The following PGGT1B variants were observed in gnomAD, a reference collection of about 807,000 sequenced individuals.
The protein encoded by PGGT1B is geranylgeranyl transferase type-1 subunit beta.
In PGGT1B, 30 loss-of-function variants were observed where a neutral mutation model predicts 46.1. The observed-to-expected ratio is 0.65, with a 90% CI of 0.49 to 0.88. The LOEUF (loss-of-function observed/expected upper bound fraction) is 0.88, where lower values mean the gene tolerates loss of function less well. Ranked by LOEUF, PGGT1B falls within the 40% of genes least tolerant of loss-of-function variation. PGGT1B has a pLI of 0.00. For missense variants in PGGT1B, 376 were observed against 455.9 expected (o/e 0.82, Z 1.60); for synonymous variants, 170 against 160.0 (o/e 1.06, Z -0.47).
At chr5:115,219,682 G>C (rs565869984) in intron 7 of PGGT1B, among the ~76,000 whole-genome samples, 1 of 151,882 alleles carries the variant, frequency 6.6e-6, no homozygotes, top group South Asian at 2.1e-4. Context: ...GAAAATATTT[G>C]CAAATCATAT....
chr5:115,236,307 A>T, intron 5 of PGGT1B, 83 bp downstream of exon 5: 1 of 992,680 alleles, frequency 1.0e-6, no homozygotes, highest in Non-Finnish European at 1.5e-6. Flanking sequence ...TTGTTGGCGG[A>T]AGAGATGAGA....
intron 2 of PGGT1B, among the ~76,000 whole-genome samples, chr5:115,248,576 C>T (rs936109118): frequency 1.3e-5 from 2 of 152,178 alleles, no homozygotes. Flanking sequence ...AGTGGTCTCA[C>T]CATACACTTA....
chr5:115,246,562 G>T (rs1006799475), intron 2 of PGGT1B, among the ~76,000 whole-genome samples: 2 of 152,008 alleles, frequency 1.3e-5, no homozygotes, highest in South Asian at 2.1e-4. Context: ...TTCTTTCCAG[G>T]TTATCAAACA....
intron 1 of PGGT1B, among the ~76,000 whole-genome samples, chr5:115,256,059 A>C (rs1748297745): frequency 1.3e-5 from 2 of 152,186 alleles, no homozygotes; most frequent in Non-Finnish European, 2.9e-5. Context: ...CTTCCCAGGT[A>C]ATTTTAATGT....
At chr5:115,262,301 T>A (rs1326413397) in intron 1 of PGGT1B, among the ~76,000 whole-genome samples, 2 of 152,142 alleles carry the variant, frequency 1.3e-5, no homozygotes, top group Non-Finnish European at 2.9e-5. Context: ...TAAAACACCA[T>A]ACAGACACTC....
intron 2 of PGGT1B, among the ~76,000 whole-genome samples, chr5:115,249,597 GA>G (rs1747999343): frequency 6.6e-6 from 1 of 151,106 alleles, no homozygotes; most frequent in Admixed American, 6.6e-5. Flanking sequence ...ATGAGTCAGG[GA>G]GGAGCAGGTA....
rs1016347681 is a variant in PGGT1B at position 115,208,059 on chromosome 5, A to C, written c.*4343T>G. 2 of 152,050 alleles carry C rather than the reference A, an allele frequency of 1.3e-5. No individual in the cohort carries two copies. The highest frequency in any genetic ancestry group is 4.8e-5 in the African/African-American group (2 of 41,438). The allele number at this position is 152,050 out of a possible 1,614,324, so 9.4% of individuals were successfully genotyped here. A position where few individuals can be genotyped will look rare whatever the true frequency, so the allele number is the denominator to read the frequency against. Reference sequence around the variant, plus strand: ...AGTATTGAACTACCCTTGCATTCTTACAATAAACCCAACTTAGTCATGATT... The same window carrying C: ...AGTATTGAACTACCCTTGCATTCTTCCAATAAACCCAACTTAGTCATGATT... On this transcript the variant is annotated 3_prime_UTR_variant, in exon 9 of 9. Coordinates refer to ENST00000419445, the MANE Select transcript of PGGT1B (RefSeq NM_005023.4).
At chr5:115,220,494 G>A (rs1756555103) in intron 7 of PGGT1B, among the ~76,000 whole-genome samples, 1 of 151,718 alleles carries the variant, frequency 6.6e-6, no homozygotes, top group African/African-American at 2.4e-5. Context: ...GATTTATGTT[G>A]GGTATAATGA....
At chr5:115,227,608 G>A (rs1266585468) in intron 6 of PGGT1B, among the ~76,000 whole-genome samples, 2 of 152,240 alleles carry the variant, frequency 1.3e-5, no homozygotes, top group East Asian at 3.9e-4. Flanking sequence ...TCCCTGTATG[G>A]CCTGACTTGT....
chr5:115,247,400 C>T (rs1747896608), intron 2 of PGGT1B, among the ~76,000 whole-genome samples: 1 of 152,100 alleles, frequency 6.6e-6, no homozygotes, highest in African/African-American at 2.4e-5. Context: ...GATGATTATG[C>T]TTCTTAAATA....
intron 1 of PGGT1B, among the ~76,000 whole-genome samples, chr5:115,255,588 AAGACAG>A (rs770562447): frequency 1.4e-4 from 21 of 152,344 alleles, no homozygotes; most frequent in Non-Finnish European, 2.9e-4. Context: ...GGGCAAAAAG[AAGACAG>A]AGACAAAAGT....
intron 2 of PGGT1B, among the ~76,000 whole-genome samples, chr5:115,249,779 TGACA>T (rs570056072): frequency 1.1e-4 from 16 of 152,338 alleles, no homozygotes; most frequent in Middle Eastern, 3.4e-3. Flanking sequence ...CTAATATATA[TGACA>T]GACAGTTTCA....
At position 115,204,037 on chromosome 5, in the gene PGGT1B, T is replaced by C. The variant is rs966801025; in HGVS notation, c.*8365A>G. The stretch of plus-strand genomic sequence containing the variant: ...TTTTCTTTGCATATCTGAGTATTTA[T>C]TATGTTTTCGATCCAGCTACCACAC... On this transcript the variant is annotated 3_prime_UTR_variant, in exon 9 of 9. Transcript: ENST00000419445. 6.6e-6 allele frequency: 1 copy of C among 152,316 alleles called. No individual in the cohort carries two copies. The highest frequency in any genetic ancestry group is 2.4e-5 in the African/African-American group (1 of 41,570). 9.4% of individuals were successfully genotyped at this position (152,316 alleles called of 1,614,324 possible).
At position 115,253,248 on chromosome 5, in the gene PGGT1B, T is replaced by C. The variant is rs1156789381; in HGVS notation, c.148A>G (p.Ile50Val). The C allele has an allele frequency of 1.1e-5, 17 of 1,572,994 alleles. No homozygotes were observed. Among genetic ancestry groups the C allele is most frequent in the African/African-American group, 1.4e-5 (1 of 72,066 alleles). The change falls in exon 2 of 9, where the codon ATT (isoleucine) becomes GTT (valine). Residue 50 changes from isoleucine (I) to valine (V), a missense_variant. This residue lies in a region of PGGT1B where 154 missense variants were observed against 142.3 expected (regional missense o/e 1.08). Transcript: ENST00000419445. ...YSSLETSRLT[I>V]AFFALSGLDM... is the part of the protein sequence containing the mutation. ...AGCCCGGAGAGTGCAAAAAATGCAA[T>C]TGTCAACCTAAAAGAAAAAAATGTA... is the stretch of plus-strand genomic sequence containing the variant.
Position 115,212,494 on chromosome 5 carries a change from T to A in PGGT1B, c.1042A>T (p.Thr348Ser). ...TCTAGAAGGCGTTCAGAAGTCCGTG[T>A]GCTTACATTCAGAGCAGGATGAACT... ...CKVHPALNVS[T>S]RTSERLLDLH... The change falls in exon 9 of 9, where the codon ACA (threonine) becomes TCA (serine). Residue 348 changes from threonine (T) to serine (S), a missense_variant. Coordinates refer to ENST00000419445, the MANE Select transcript of PGGT1B (RefSeq NM_005023.4). 1 of 1,613,638 alleles carries A rather than the reference T, an allele frequency of 6.2e-7. No homozygotes were observed. Among genetic ancestry groups the A allele is most frequent in the South Asian group, 1.1e-5 (1 of 91,066 alleles).
At chr5:115,258,529 C>A (rs1748420603) in intron 1 of PGGT1B, among the ~76,000 whole-genome samples, 1 of 152,206 alleles carries the variant, frequency 6.6e-6, no homozygotes, top group Non-Finnish European at 1.5e-5. Context: ...AGATTACATT[C>A]CTACCATATC....
chr5:115,260,324 G>A lies in PGGT1B; in HGVS notation c.140+2388C>T, dbSNP rs566867663. On this transcript the variant is annotated intron_variant, in intron 1 of 8. Coordinates refer to ENST00000419445, the MANE Select transcript of PGGT1B (RefSeq NM_005023.4). ...TTCATACCTATTGGTAAAAAGAAAC[G>A]AACAGAGGAACACCTGAATCATTAG... 3.3e-5 allele frequency among the ~76,000 whole-genome samples: 5 copies of A among 152,168 alleles called. No homozygotes were observed. In the East Asian group the frequency reaches 5.8e-4, roughly 18 times the overall value.
At chr5:115,236,622 A>T in intron 4 of PGGT1B, 100 bp from the exon 5 acceptor site, 3 of 617,552 alleles carry the variant, frequency 4.9e-6, no homozygotes, top group Non-Finnish European at 8.0e-6. Flanking sequence ...ACTAACAGAA[A>T]AATCTGTTGA....
intron 6 of PGGT1B, among the ~76,000 whole-genome samples, chr5:115,225,688 C>G (rs537213093): frequency 6.6e-6 from 1 of 151,444 alleles, no homozygotes; most frequent in Non-Finnish European, 1.5e-5. Context: ...CTCTGTCACC[C>G]AGGCTGGAGT....
Sources: allele counts gnomAD v4.1 joint callset (sites outside exome capture counted in the v4.1 genomes callset), GRCh38; gene constraint gnomAD v4.1.1; regional missense constraint gnomAD v4.1.1; transcripts MANE v1.5; gene names NCBI Gene and HGNC (gene_info 2026-07-23, HGNC 2026-07-21).